NCAM2: variants seen among roughly 807,000 people sequenced by gnomAD.
NCAM2 encodes N-CAM-2.
Under a neutral mutation model 98.1 loss-of-function variants are expected in NCAM2, and 30 were observed. The observed-to-expected ratio is 0.31, with a 90% CI of 0.23 to 0.41. NCAM2 has a LOEUF of 0.41. NCAM2 is among the 10% of genes least tolerant of loss of function. The pLI is 1.00. For missense variants in NCAM2, 867 were observed against 1,005.8 expected (o/e 0.86, Z 1.87); for synonymous variants, 368 against 342.4 (o/e 1.07, Z -0.83).
intron 1 of NCAM2, among the ~76,000 whole-genome samples, chr21:21,043,861 A>AAG (rs1333882992): frequency 6.6e-6 from 1 of 151,298 alleles, no homozygotes; most frequent in African/African-American, 2.4e-5. Flanking sequence ...AAAAAAAAAA[A>AAG]AAAAAAGAAA....
chr21:21,043,715 C>T (rs1411977673), intron 1 of NCAM2, among the ~76,000 whole-genome samples: 5 of 151,338 alleles, frequency 3.3e-5, no homozygotes, highest in African/African-American at 1.2e-4. Context: ...ATTAGCTGGG[C>T]GTGGTGGCGG....
At chr21:21,449,772 A>T (rs1016633933) in intron 12 of NCAM2, among the ~76,000 whole-genome samples, 1 of 152,026 alleles carries the variant, frequency 6.6e-6, no homozygotes, top group African/African-American at 2.4e-5. Context: ...GCAAGATTCT[A>T]ATCTTCTATT....
At chr21:21,063,732 T>G (rs2065372390) in intron 1 of NCAM2, among the ~76,000 whole-genome samples, 1 of 152,104 alleles carries the variant, frequency 6.6e-6, no homozygotes, top group Admixed American at 6.5e-5. Flanking sequence ...CTAATATCAG[T>G]GGTTTCTTTG....
At chr21:21,242,740 A>G (rs2071111995) in intron 1 of NCAM2, among the ~76,000 whole-genome samples, 1 of 152,156 alleles carries the variant, frequency 6.6e-6, no homozygotes, top group Non-Finnish European at 1.5e-5. Flanking sequence ...CTGATGATGG[A>G]CACTTAGTTT....
At chr21:21,286,734 G>A (rs1010202765) in intron 4 of NCAM2, among the ~76,000 whole-genome samples, 3 of 151,642 alleles carry the variant, frequency 2.0e-5, no homozygotes, top group Admixed American at 6.6e-5. Context: ...ATGTACAATC[G>A]TTAGCCTAAA....
Position 21,508,906 on chromosome 21 carries a change from A to C in NCAM2, c.2133A>C (p.Ala711=). 1 of 1,587,088 alleles carries C rather than the reference A, an allele frequency of 6.3e-7. No individual in the cohort carries two copies. The highest frequency in any genetic ancestry group is 8.5e-7 in the Non-Finnish European group (1 of 1,170,622). Residue 711 remains alanine, a synonymous_variant, in exon 16 of 18, where the codon GCA becomes GCC. Coordinates refer to ENST00000400546, the MANE Select transcript of NCAM2 (RefSeq NM_004540.5). ...CAGTAATTGGCCTGGGAGTTGCTGCACTGCTGCTAATTCTTGTGGTAACAG... is the reference window on the plus strand; with the variant it reads ...CAGTAATTGGCCTGGGAGTTGCTGCCCTGCTGCTAATTCTTGTGGTAACAG... ...LGAVIGLGVA[A]LLLILVVTDV... is the part of the protein sequence containing the mutation.
chr21:21,173,633 A>T (rs1218936434), intron 1 of NCAM2, among the ~76,000 whole-genome samples: 2 of 152,188 alleles, frequency 1.3e-5, no homozygotes, highest in African/African-American at 2.4e-5. Flanking sequence ...GAAATGCCAT[A>T]AAACCTCTTT....
At chr21:21,069,482 T>C (rs543731203) in intron 1 of NCAM2, among the ~76,000 whole-genome samples, 4 of 152,276 alleles carry the variant, frequency 2.6e-5, no homozygotes, top group Admixed American at 2.6e-4. Context: ...AGAAAATGTT[T>C]TCTGTCATAG....
intron 4 of NCAM2, among the ~76,000 whole-genome samples, chr21:21,290,954 ACT>A (rs1185039878): frequency 2.0e-5 from 3 of 151,732 alleles, no homozygotes; most frequent in East Asian, 2.0e-4. Context: ...GCTGATGGAG[ACT>A]CTGCCTTTTT....
chr21:21,367,679 A>G (rs1391820941), intron 8 of NCAM2, among the ~76,000 whole-genome samples: 3 of 151,974 alleles, frequency 2.0e-5, no homozygotes, highest in Non-Finnish European at 4.4e-5. Flanking sequence ...TAGCCAATTT[A>G]TTATGTACTT....
At chr21:21,425,615 A>T (rs914953550) in intron 11 of NCAM2, among the ~76,000 whole-genome samples, 5 of 151,866 alleles carry the variant, frequency 3.3e-5, no homozygotes, top group Non-Finnish European at 5.9e-5. Context: ...TCTCTGGACA[A>T]CTTCAGTTTA....
intron 11 of NCAM2, among the ~76,000 whole-genome samples, chr21:21,426,866 G>T (rs1387816451): frequency 6.6e-6 from 1 of 152,172 alleles, no homozygotes; most frequent in Non-Finnish European, 1.5e-5. Context: ...ATTTTAGCCT[G>T]CAATTTCTTA....
chr21:21,201,701 G>C lies in NCAM2; in HGVS notation c.56-78877G>C, dbSNP rs999372057. On this transcript the variant is annotated intron_variant, in intron 1 of 17. Coordinates refer to ENST00000400546, the MANE Select transcript of NCAM2 (RefSeq NM_004540.5). ...CTTCCACAGCATGTTTAATGAAGTA[G>C]ATAATGTAAAGCAGTGGTTCATTCC... Among the ~76,000 whole-genome samples the C allele has an allele frequency of 1.2e-4, 18 of 152,268 alleles. No homozygotes were observed. The South Asian group carries it at 1.2e-3, about 11-fold the overall frequency.
At chr21:21,394,749 A>G (rs2145843533) in intron 9 of NCAM2, among the ~76,000 whole-genome samples, 1 of 151,930 alleles carries the variant, frequency 6.6e-6, no homozygotes, top group African/African-American at 2.4e-5. Context: ...GGCCTCCCAA[A>G]GTGCTGGGCC....
At chr21:21,209,918 A>C (rs186991663) in intron 1 of NCAM2, among the ~76,000 whole-genome samples, 160 of 152,256 alleles carry the variant, frequency 1.1e-3, no homozygotes, top group Middle Eastern at 0.01. Context: ...TTGCGACTAA[A>C]ACATCCCGGA....
intron 1 of NCAM2, among the ~76,000 whole-genome samples, chr21:21,026,125 G>T (rs573047645): frequency 2.0e-5 from 3 of 152,318 alleles, no homozygotes; most frequent in East Asian, 1.9e-4. Context: ...GAGGTGTGAT[G>T]ATGGTGGTGA....
chr21:21,170,907 G>A (rs78152489), intron 1 of NCAM2, among the ~76,000 whole-genome samples: 4,748 of 152,038 alleles, frequency 0.031, 243 homozygotes, highest in African/African-American at 0.11. Context: ...CAGCTTTGCT[G>A]TGAACTTGAA....
At position 21,346,942 on chromosome 21, in the gene NCAM2, G is replaced by T. The variant is rs999891313; in HGVS notation, c.1044+8408G>T. 8.6e-5 allele frequency among the ~76,000 whole-genome samples: 13 copies of T among 151,716 alleles called. No homozygotes were observed. The South Asian group carries it at 2.7e-3, about 32-fold the overall frequency. On this transcript the variant is annotated intron_variant, in intron 8 of 17. Transcript: ENST00000400546. Reference sequence around the variant, plus strand: ...AAAAAAGAGGAAAAACTTCAAATATGCAATCTAATGATAAATCATAAAGAA... The same window carrying T: ...AAAAAAGAGGAAAAACTTCAAATATTCAATCTAATGATAAATCATAAAGAA...
intron 16 of NCAM2, among the ~76,000 whole-genome samples, chr21:21,510,599 C>T (rs1988308447): frequency 3.0e-3 from 1 of 330 alleles, no homozygotes; most frequent in African/African-American, 0.01. Flanking sequence ...TTTATAGACA[C>T]ATTTTGTCTT....
Sources: gnomAD v4.1 joint callset for allele counts (sites outside exome capture counted in the v4.1 genomes callset) on GRCh38, gnomAD v4.1.1 for gene constraint, MANE v1.5 for transcripts, NCBI Gene and HGNC (gene_info 2026-07-23, HGNC 2026-07-21) for gene names.